The following SAA2 variants were observed in gnomAD, a reference collection of about 807,000 sequenced individuals.
SAA2 encodes the protein serum amyloid A-2 protein.
Under a neutral mutation model 9.1 loss-of-function variants are expected in SAA2, and 5 were observed. The ratio of observed to expected loss-of-function variants is 0.55; its 90% CI spans 0.29 to 1.16. The LOEUF (loss-of-function observed/expected upper bound fraction) is 1.16. Among genes scored for constraint, SAA2 ranks in the 50% most tolerant of loss-of-function variants. The pLI, the probability that SAA2 is intolerant of heterozygous loss-of-function variation, is 0.09. For synonymous variants in SAA2, 49 were observed against 59.8 expected, an observed-to-expected ratio of 0.82 and a Z score of 0.83; for missense variants, 94 against 153.8, an observed-to-expected ratio of 0.61 and a Z score of 2.06.
chr11:18,241,425 C>A (rs928664578), downstream of SAA2, among the ~76,000 whole-genome samples: 4 of 152,076 alleles, frequency 2.6e-5, no homozygotes, highest in African/African-American at 9.7e-5. Context: ...AAAAAATATA[C>A]CTGAATGCAT....
At chr11:18,243,191 C>T (rs1520886), downstream of SAA2, among the ~76,000 whole-genome samples, 110,459 of 152,014 alleles carry the variant, frequency 0.73, 40,676 homozygotes, top group Non-Finnish European at 0.77. Flanking sequence ...CCTTTACAGA[C>T]GGATGAATGA....
chr11:18,240,241 T>G, downstream of SAA2: 1 of 703,824 alleles, frequency 1.4e-6, no homozygotes. Flanking sequence ...GGTGTCATCT[T>G]TTGAAAAAGT....
intron 3 of SAA2, 70 bp from the exon 4 acceptor site, chr11:18,245,585 C>T: frequency 1.3e-6 from 2 of 1,585,708 alleles, no homozygotes; most frequent in Non-Finnish European, 1.7e-6. Flanking sequence ...CTCCCATTCT[C>T]CCCGTTCCAA....
downstream of SAA2, chr11:18,242,037 A>T (rs1857360779): frequency 1.3e-5 from 2 of 152,228 alleles, no homozygotes; most frequent in South Asian, 4.1e-4. Context: ...ATTTGCATGT[A>T]GCATGAGGCA....
downstream of SAA2, chr11:18,242,801 C>T (rs1346682551): frequency 4.3e-6 from 3 of 701,802 alleles, no homozygotes; most frequent in Middle Eastern, 2.4e-4. Context: ...GAGCCATGAT[C>T]ATGCCATGGC....
intron 3 of SAA2, among the ~76,000 whole-genome samples, 156 bp downstream of exon 3, chr11:18,245,754 C>G (rs1271449677): frequency 6.6e-6 from 1 of 152,192 alleles, no homozygotes; most frequent in Non-Finnish European, 1.5e-5. Context: ...CTACCATCCA[C>G]TCAGACCCTC....
downstream of SAA2, chr11:18,242,150 G>A (rs182737119): frequency 1.8e-4 from 28 of 152,290 alleles, no homozygotes; most frequent in Admixed American, 1.4e-3. Context: ...ATGTATGTAT[G>A]TATTTATTTA....
chr11:18,247,266 G>T (rs1219448761), intron 2 of SAA2, among the ~76,000 whole-genome samples: 2 of 151,690 alleles, frequency 1.3e-5, no homozygotes, highest in East Asian at 3.9e-4. Context: ...AACCAGGAAG[G>T]GAGCCCCTGA....
chr11:18,241,108 C>A (rs1022296658), downstream of SAA2, among the ~76,000 whole-genome samples: 6 of 152,052 alleles, frequency 3.9e-5, no homozygotes, highest in African/African-American at 1.4e-4. Context: ...AAAATATGAA[C>A]AAATGCTCAA....
chr11:18,239,957 A>G, exon 4 of SAA2: 1 of 1,551,172 alleles, frequency 6.4e-7, no homozygotes, highest in Non-Finnish European at 8.7e-7. Context: ...TCTACAGTTC[A>G]GCTGAAAATA....
exon 4 of SAA2, chr11:18,239,636 T>A: frequency 2.4e-6 from 1 of 418,746 alleles, no homozygotes; most frequent in Non-Finnish European, 4.2e-6. Flanking sequence ...TACTAATCAA[T>A]ATCTCCATCA....
downstream of SAA2, among the ~76,000 whole-genome samples, chr11:18,244,760 G>A (rs1857452308): frequency 6.6e-6 from 1 of 152,198 alleles, no homozygotes; most frequent in African/African-American, 2.4e-5. Context: ...AGAAGGCAAT[G>A]AAAATAGAGT....
downstream of SAA2, among the ~76,000 whole-genome samples, chr11:18,244,658 A>G (rs544730100): frequency 6.6e-6 from 1 of 152,320 alleles, no homozygotes; most frequent in South Asian, 2.1e-4. Flanking sequence ...CTCTCTCTCC[A>G]CTGCCACCAC....
At position 18,245,279 on chromosome 11, in the gene SAA2, C is replaced by CTCTATATT; in HGVS notation, c.*97_*98insAATATAGA. Reference sequence around the variant, plus strand: ...CATTTATTAGATGCCTATTATATGCCATATCTCAGCTTCTCTGGACATAGA... The same window carrying CTCTATATT: ...CATTTATTAGATGCCTATTATATGCCTCTATATTATATCTCAGCTTCTCTGGACATAGA... On this transcript the variant is annotated 3_prime_UTR_variant, in exon 4 of 4. Coordinates refer to ENST00000256733, the MANE Select transcript of SAA2 (RefSeq NM_030754.5). 6.4e-7 allele frequency: 1 copy of CTCTATATT among 1,557,448 alleles called. No homozygotes were observed. The highest frequency in any genetic ancestry group is 8.7e-7 in the Non-Finnish European group (1 of 1,150,894).
At chr11:18,242,144 A>G (rs919986899), downstream of SAA2, 1 of 152,156 alleles carries the variant, frequency 6.6e-6, no homozygotes, top group African/African-American at 2.4e-5. Flanking sequence ...TTGTGTATGT[A>G]TGTATGTATT....
intron 2 of SAA2, among the ~76,000 whole-genome samples, chr11:18,247,237 G>A (rs1261274918): frequency 1.3e-5 from 2 of 152,068 alleles, no homozygotes; most frequent in Non-Finnish European, 2.9e-5. Context: ...GCTGGAGAAG[G>A]AAGAATGGAA....
At position 18,245,629 on chromosome 11, in the gene SAA2, G is replaced by C. The variant is rs1405232290; in HGVS notation, c.231-114C>G. The C allele has an allele frequency of 3.7e-5, 53 of 1,442,964 alleles. No individual in the cohort carries two copies. The East Asian group carries it at 1.1e-3, about 30-fold the overall frequency. 89.4% of individuals were successfully genotyped at this position (1,442,964 alleles called of 1,614,324 possible). A position where few individuals can be genotyped will look rare whatever the true frequency, so the allele number is the denominator to read the frequency against. On this transcript the variant is annotated intron_variant, in intron 3 of 3. Transcript: ENST00000256733. Reference sequence around the variant, plus strand: ...TCAGAGAGGAGCCCAGAAAGGCCAAGGAAGGAGGAGTGAAAACACTGACCC... The same window carrying C: ...TCAGAGAGGAGCCCAGAAAGGCCAACGAAGGAGGAGTGAAAACACTGACCC...
At chr11:18,243,442 T>C (rs1857408049), downstream of SAA2, among the ~76,000 whole-genome samples, 1 of 152,188 alleles carries the variant, frequency 6.6e-6, no homozygotes, top group African/African-American at 2.4e-5. Context: ...AGCATTACAG[T>C]CTTTTTTTAC....
chr11:18,242,858 C>G (rs1409926471), downstream of SAA2: 5 of 699,702 alleles, frequency 7.1e-6, no homozygotes, highest in Non-Finnish European at 1.3e-5. Context: ...AATAACGAAA[C>G]AAAACAAAAC....
Sources: gnomAD v4.1 joint callset for allele counts (sites outside exome capture counted in the v4.1 genomes callset) on GRCh38, gnomAD v4.1.1 for gene constraint, MANE v1.5 for transcripts, NCBI Gene and HGNC (gene_info 2026-07-23, HGNC 2026-07-21) for gene names.